Variants in NRIP1 observed in about 807,000 individuals in gnomAD.
NRIP1 encodes nuclear receptor interacting protein 1, also known as nuclear receptor-interacting protein 1.
A neutral mutation model predicts 75.0 loss-of-function variants in NRIP1; 28 were observed. The ratio of observed to expected loss-of-function variants is 0.37; its 90% CI spans 0.28 to 0.51. The LOEUF is 0.51. Among genes scored for constraint, NRIP1 ranks in the 20% least tolerant of loss-of-function variants. The pLI is 0.92. For synonymous variants in NRIP1, 526 were observed against 487.6 expected, an observed-to-expected ratio of 1.08 and a Z score of -1.04; for missense variants, 1,435 against 1,343.7, an observed-to-expected ratio of 1.07 and a Z score of -1.06.
intron 3 of NRIP1, among the ~76,000 whole-genome samples, chr21:14,973,750 C>G (rs2086969549): frequency 6.6e-6 from 1 of 150,462 alleles, no homozygotes; most frequent in South Asian, 2.1e-4. Flanking sequence ...GATCACAGCT[C>G]ACTGCAGCCT....
intron 2 of NRIP1, among the ~76,000 whole-genome samples, chr21:15,041,191 C>T (rs1482742074): frequency 6.6e-6 from 1 of 152,116 alleles, no homozygotes; most frequent in Non-Finnish European, 1.5e-5. Flanking sequence ...ACATACACAA[C>T]ATGGATGACT....
chr21:15,036,733 G>A (rs1178884554), intron 2 of NRIP1, among the ~76,000 whole-genome samples: 2 of 152,028 alleles, frequency 1.3e-5, no homozygotes, highest in African/African-American at 4.8e-5. Context: ...CACTAGCCAG[G>A]CAGGCTACTT....
chr21:15,022,623 A>C (rs576652631), intron 2 of NRIP1, among the ~76,000 whole-genome samples: 8 of 152,378 alleles, frequency 5.3e-5, no homozygotes, highest in African/African-American at 1.9e-4. Flanking sequence ...ATCATACTTT[A>C]AGATAAACCT....
At chr21:14,989,158 A>G (rs1004886454) in intron 3 of NRIP1, among the ~76,000 whole-genome samples, 2 of 152,206 alleles carry the variant, frequency 1.3e-5, no homozygotes, top group Non-Finnish European at 2.9e-5. Context: ...CAAACTGCAC[A>G]TTTTAATCCA....
chr21:14,991,718 A>C (rs1251207503), intron 3 of NRIP1, among the ~76,000 whole-genome samples: 1 of 152,208 alleles, frequency 6.6e-6, no homozygotes, highest in Non-Finnish European at 1.5e-5. Flanking sequence ...AAATAATGTC[A>C]AATTTTCAAA....
At chr21:15,052,578 A>C (rs1398956911) in intron 1 of NRIP1, among the ~76,000 whole-genome samples, 1 of 152,224 alleles carries the variant, frequency 6.6e-6, no homozygotes, top group Non-Finnish European at 1.5e-5. Flanking sequence ...TGAAGTATTC[A>C]ATACAGCCAA....
intron 3 of NRIP1, among the ~76,000 whole-genome samples, chr21:14,995,766 CGTGTGTGT>C (rs55916377): frequency 1.2e-4 from 18 of 149,466 alleles, no homozygotes; most frequent in African/African-American, 2.7e-4. Context: ...GCTGTGTGTG[CGTGTGTGT>C]GTGTGTGTGT....
At chr21:15,014,193 A>G (rs2088173348) in intron 3 of NRIP1, among the ~76,000 whole-genome samples, 151 bp downstream of exon 3, 1 of 152,202 alleles carries the variant, frequency 6.6e-6, no homozygotes, top group Admixed American at 6.5e-5. Flanking sequence ...CATTTTTTAA[A>G]CCACATTGCC....
intron 1 of NRIP1, among the ~76,000 whole-genome samples, chr21:15,061,414 C>T (rs912589157): frequency 6.6e-6 from 1 of 152,084 alleles, no homozygotes; most frequent in African/African-American, 2.4e-5. Flanking sequence ...GCAACTAAGG[C>T]AGTTTTTCAT....
At chr21:15,032,631 C>T (rs2088731286) in intron 2 of NRIP1, among the ~76,000 whole-genome samples, 1 of 152,100 alleles carries the variant, frequency 6.6e-6, no homozygotes, top group Non-Finnish European at 1.5e-5. Context: ...GCAACTGAAT[C>T]AATTTAACTA....
At chr21:15,005,316 C>A (rs2087937878) in intron 3 of NRIP1, among the ~76,000 whole-genome samples, 1 of 152,118 alleles carries the variant, frequency 6.6e-6, no homozygotes, top group African/African-American at 2.4e-5. Flanking sequence ...TGTCATCACA[C>A]ACACCAGAAA....
In NRIP1 at chr21:15,058,124, G is replaced by A. The variant is rs112164438; in HGVS notation, c.-538+6621C>T. On this transcript the variant is annotated intron_variant, in intron 1 of 3. Transcript: ENST00000318948. The stretch of plus-strand genomic sequence containing the variant: ...TCAAATATAACCCCCTTATTCAACA[G>A]ATGCTGCCGGGGGAGATAAAAGGGC... 3.5e-3 allele frequency among the ~76,000 whole-genome samples: 528 copies of A among 152,272 alleles called. 5 individuals are homozygous for A. Among genetic ancestry groups the A allele is most frequent in the African/African-American group, 0.012 (507 of 41,536 alleles).
intron 2 of NRIP1, among the ~76,000 whole-genome samples, chr21:15,036,584 G>T (rs1403264839): frequency 6.6e-6 from 1 of 150,660 alleles, no homozygotes; most frequent in African/African-American, 2.4e-5. Flanking sequence ...TTCAGATTTT[G>T]GGGGTTTTTT....
chr21:15,051,943 A>G (rs973674966), intron 1 of NRIP1: 11 of 152,204 alleles, frequency 7.2e-5, no homozygotes, highest in Admixed American at 4.6e-4. Flanking sequence ...CTCTCCCTTA[A>G]TTAAGCCTAA....
intron 3 of NRIP1, among the ~76,000 whole-genome samples, chr21:15,013,183 T>C (rs2088150866): frequency 6.6e-6 from 1 of 152,178 alleles, no homozygotes; most frequent in African/African-American, 2.4e-5. Context: ...TAAATGAATA[T>C]ACGAAAAGTG....
intron 3 of NRIP1, among the ~76,000 whole-genome samples, chr21:14,986,338 A>G (rs1365015591): frequency 6.6e-6 from 1 of 152,292 alleles, no homozygotes; most frequent in East Asian, 1.9e-4. Flanking sequence ...AACAACAACA[A>G]CCATTACCCA....
chr21:14,970,668 C>G (rs1397365850), intron 3 of NRIP1, among the ~76,000 whole-genome samples: 1 of 152,196 alleles, frequency 6.6e-6, no homozygotes, highest in Non-Finnish European at 1.5e-5. Flanking sequence ...CCACTGCCAA[C>G]CTTTTTGCTC....
Position 14,995,409 on chromosome 21 carries a change from G to A in NRIP1, c.-335+18935C>T, listed in dbSNP as rs539101912. 3.9e-5 allele frequency among the ~76,000 whole-genome samples: 6 copies of A among 152,342 alleles called. No homozygotes were observed. The South Asian group carries it at 8.3e-4, about 21-fold the overall frequency. On this transcript the variant is annotated intron_variant, in intron 3 of 3. Transcript: ENST00000318948. ...ACAAGGCCTTCTGAGAAATGCACAT[G>A]TAGGCCTATGGGATCTGAGATTGTC...
intron 2 of NRIP1, among the ~76,000 whole-genome samples, chr21:15,037,343 C>T (rs2088858784): frequency 6.6e-6 from 1 of 152,006 alleles, no homozygotes; most frequent in Non-Finnish European, 1.5e-5. Context: ...CTTTTTTGAT[C>T]GTTTCTAAGC....
Sources: allele counts gnomAD v4.1 joint callset (sites outside exome capture counted in the v4.1 genomes callset), GRCh38; gene constraint gnomAD v4.1.1; transcripts MANE v1.5; gene names NCBI Gene and HGNC (gene_info 2026-07-23, HGNC 2026-07-21).